KIAA1217: variants seen among roughly 807,000 people sequenced by gnomAD.
The protein encoded by KIAA1217 is KIAA1217.
A neutral mutation model predicts 163.9 loss-of-function variants in KIAA1217; 88 were observed. That is an observed-to-expected ratio of 0.54 (90% CI 0.45 to 0.64). The LOEUF is 0.64. Ranked by LOEUF, KIAA1217 falls within the 30% of genes least tolerant of loss-of-function variation. The probability of loss-of-function intolerance (pLI) is 0.00; values close to 1 mark genes in which losing one functional copy is unlikely to be tolerated. For missense variants in KIAA1217, 2,372 were observed against 2,475.0 expected (o/e 0.96, Z 0.88); for synonymous variants, 903 against 923.1 (o/e 0.98, Z 0.39).
intron 6 of KIAA1217, among the ~76,000 whole-genome samples, chr10:24,488,390 G>C (rs1232997640): frequency 1.3e-5 from 2 of 152,120 alleles, no homozygotes; most frequent in African/African-American, 4.8e-5. Flanking sequence ...TGAGACATTA[G>C]ACGAAACAAA....
At chr10:23,807,026 G>A (rs1467092716) in intron 1 of KIAA1217, among the ~76,000 whole-genome samples, 1 of 152,204 alleles carries the variant, frequency 6.6e-6, no homozygotes, top group Non-Finnish European at 1.5e-5. Flanking sequence ...CTCCTCAGCA[G>A]GCTGCTCCTG....
chr10:23,957,169 T>A (rs556351360), intron 1 of KIAA1217, among the ~76,000 whole-genome samples: 1 of 152,252 alleles, frequency 6.6e-6, no homozygotes, highest in East Asian at 1.9e-4. Context: ...AACAACGGAA[T>A]CCACCTCACG....
intron 2 of KIAA1217, among the ~76,000 whole-genome samples, chr10:24,230,497 G>GTTTTTTTT (rs1466924722): frequency 4.1e-5 from 2 of 48,284 alleles, no homozygotes; most frequent in African/African-American, 1.7e-4. Flanking sequence ...ACTACTATTT[G>GTTTTTTTT]TTTTGTTTTT....
At chr10:24,341,798 C>T (rs1398920565) in intron 2 of KIAA1217, among the ~76,000 whole-genome samples, 4 of 151,824 alleles carry the variant, frequency 2.6e-5, no homozygotes, top group Non-Finnish European at 5.9e-5. Context: ...TAGTTCCAAT[C>T]TCTTAAATGT....
At position 24,546,634 on chromosome 10, in the gene KIAA1217, A is replaced by G. The variant is rs1207714550; in HGVS notation, c.*310A>G. 1.2e-5 allele frequency: 3 copies of G among 247,536 alleles called. No homozygotes were observed. The highest frequency in any genetic ancestry group is 2.3e-5 in the Non-Finnish European group (3 of 129,030). 15.3% of individuals were successfully genotyped at this position (247,536 alleles called of 1,614,324 possible). Reference sequence around the variant, plus strand: ...GAGACAGGAGAATTGTCTTAAGCATATAAAACATGTATGATTCCAGAATTT... The same window carrying G: ...GAGACAGGAGAATTGTCTTAAGCATGTAAAACATGTATGATTCCAGAATTT... On this transcript the variant is annotated 3_prime_UTR_variant, in exon 21 of 21. Transcript: ENST00000376454.
intron 1 of KIAA1217, among the ~76,000 whole-genome samples, chr10:23,861,682 C>A (rs558918080): frequency 6.6e-6 from 1 of 152,246 alleles, no homozygotes; most frequent in Admixed American, 6.5e-5. Flanking sequence ...GCCAATAGGA[C>A]GAGGATGCAG....
Position 24,433,122 on chromosome 10 carries a change from G to A in KIAA1217, c.681G>A (p.Leu227=). The A allele has an allele frequency of 1.2e-6, 2 of 1,614,078 alleles. No individual in the cohort carries two copies. The highest frequency in any genetic ancestry group is 8.5e-7 in the Non-Finnish European group (1 of 1,180,006). Residue 227 remains leucine, a synonymous_variant, in exon 4 of 21, where the codon CTG becomes CTA. Coordinates refer to ENST00000376454, the MANE Select transcript of KIAA1217 (RefSeq NM_019590.5). The part of the protein sequence containing the change: ...AFPQQLTMKM[L]ESPSVAIYIK... ...CACAGCAGCTCACCATGAAAATGCT[G>A]GAATCGCCCAGTGTCGCCATTTACA...
chr10:24,497,133 G>A (rs2066891243), intron 8 of KIAA1217, among the ~76,000 whole-genome samples: 1 of 152,142 alleles, frequency 6.6e-6, no homozygotes, highest in South Asian at 2.1e-4. Context: ...AGAATGCTAG[G>A]AAGTCAGCTA....
At chr10:24,406,210 A>C (rs2057193781) in intron 3 of KIAA1217, among the ~76,000 whole-genome samples, 1 of 152,226 alleles carries the variant, frequency 6.6e-6, no homozygotes, top group Non-Finnish European at 1.5e-5. Context: ...TTTCTTCATC[A>C]AGCTATAAGC....
At chr10:23,952,261 CA>C (rs1364579902) in intron 1 of KIAA1217, among the ~76,000 whole-genome samples, 4 of 152,166 alleles carry the variant, frequency 2.6e-5, no homozygotes, top group Non-Finnish European at 5.9e-5. Context: ...CCCACAGAAC[CA>C]CACATTTTCT....
At chr10:24,385,656 C>T (rs2053904954) in intron 3 of KIAA1217, among the ~76,000 whole-genome samples, 1 of 152,170 alleles carries the variant, frequency 6.6e-6, no homozygotes. Context: ...TCTGTACTTC[C>T]ACAGAGTGAT....
chr10:23,944,512 G>T (rs370740364), intron 1 of KIAA1217, among the ~76,000 whole-genome samples: 2 of 151,282 alleles, frequency 1.3e-5, no homozygotes, highest in African/African-American at 4.9e-5. Context: ...TAATTAAACA[G>T]TTGAAAAATA....
At chr10:24,360,867 A>G (rs2049885403) in intron 2 of KIAA1217, among the ~76,000 whole-genome samples, 2 of 151,258 alleles carry the variant, frequency 1.3e-5, no homozygotes, top group South Asian at 4.2e-4. Context: ...TGTTGTTTCA[A>G]ATTTATCAGT....
chr10:24,275,237 C>T (rs1013854705), intron 2 of KIAA1217, among the ~76,000 whole-genome samples: 1 of 152,180 alleles, frequency 6.6e-6, no homozygotes, highest in Non-Finnish European at 1.5e-5. Context: ...TTGCCTTAGC[C>T]TCCCAAAGTG....
At chr10:24,489,113 C>T (rs1277565934) in intron 6 of KIAA1217, among the ~76,000 whole-genome samples, 1 of 152,024 alleles carries the variant, frequency 6.6e-6, no homozygotes, top group Non-Finnish European at 1.5e-5. Context: ...AATGGCGGAA[C>T]CACCTAGTAG....
chr10:24,237,909 G>T (rs2072505461), intron 2 of KIAA1217, among the ~76,000 whole-genome samples: 1 of 152,208 alleles, frequency 6.6e-6, no homozygotes, highest in South Asian at 2.1e-4. Context: ...GTGAACTACG[G>T]CAATGCAACG....
chr10:24,016,895 T>A (rs1847501932), intron 2 of KIAA1217, among the ~76,000 whole-genome samples: 1 of 152,080 alleles, frequency 6.6e-6, no homozygotes, highest in Non-Finnish European at 1.5e-5. Flanking sequence ...CTAAATATAA[T>A]GAGTAATACA....
At position 24,423,642 on chromosome 10, in the gene KIAA1217, T is replaced by C. The variant is rs192699804; in HGVS notation, c.554-9353T>C. On this transcript the variant is annotated intron_variant, in intron 3 of 20. Transcript: ENST00000376454. ...ACCCAGCTAATTTTTGTATTTTTAGTAGAGTCGAGGTTTCACCATGTTGGC... is the reference window on the plus strand; with the variant it reads ...ACCCAGCTAATTTTTGTATTTTTAGCAGAGTCGAGGTTTCACCATGTTGGC... Among the ~76,000 whole-genome samples, 498 of 152,270 alleles carry C rather than the reference T, an allele frequency of 3.3e-3. 14 individuals are homozygous for C. The highest frequency in any genetic ancestry group is 0.029 in the Admixed American group (449 of 15,296).
At chr10:24,465,731 A>C (rs568203899) in intron 5 of KIAA1217, among the ~76,000 whole-genome samples, 1 of 152,272 alleles carries the variant, frequency 6.6e-6, no homozygotes, top group East Asian at 1.9e-4. Context: ...TGCACAAGTC[A>C]CTTCGTGTTG....
Sources: allele counts gnomAD v4.1 joint callset (sites outside exome capture counted in the v4.1 genomes callset), GRCh38; gene constraint gnomAD v4.1.1; transcripts MANE v1.5; gene names NCBI Gene and HGNC (gene_info 2026-07-23, HGNC 2026-07-21).